PDS5B: variants seen among roughly 807,000 people sequenced by gnomAD.
PDS5B encodes the protein sister chromatid cohesion protein PDS5 homolog B.
In PDS5B, 51 loss-of-function variants were observed where a neutral mutation model predicts 184.1. That is an observed-to-expected ratio of 0.28 (90% CI 0.22 to 0.35). The LOEUF (loss-of-function observed/expected upper bound fraction) is 0.35, where lower values mean the gene tolerates loss of function less well. Among genes scored for constraint, PDS5B ranks in the 10% least tolerant of loss-of-function variants. The pLI, the probability that PDS5B is intolerant of heterozygous loss-of-function variation, is 1.00. For missense variants in PDS5B, 1,180 were observed against 1,723.3 expected (o/e 0.68, Z 5.58); for synonymous variants, 566 against 569.2 (o/e 0.99, Z 0.08).
chr13:32,605,490 A>G (rs9591162), intron 1 of PDS5B, among the ~76,000 whole-genome samples: 49,544 of 152,028 alleles, frequency 0.33, 8,407 homozygotes, highest in Non-Finnish European at 0.38. Flanking sequence ...CTTTACTTCC[A>G]ACTATGTGGT....
chr13:32,664,709 GCTGGGCAAGTGACGCA>G (rs1290981183), intron 6 of PDS5B, among the ~76,000 whole-genome samples: 5 of 151,992 alleles, frequency 3.3e-5, no homozygotes, highest in Admixed American at 6.6e-5. Context: ...AGAAAAATTA[GCTGGGCAAGTGACGCA>G]TGTCTGTAGT....
intron 19 of PDS5B, among the ~76,000 whole-genome samples, chr13:32,727,921 T>C (rs571266140): frequency 1.1e-4 from 16 of 152,096 alleles, no homozygotes; most frequent in African/African-American, 3.9e-4. Flanking sequence ...ATTACAAGTA[T>C]TTTTGACTAC....
At chr13:32,655,379 T>G (rs865857060) in intron 3 of PDS5B, among the ~76,000 whole-genome samples, 1 of 75,872 alleles carries the variant, frequency 1.3e-5, no homozygotes, top group African/African-American at 4.8e-5. Flanking sequence ...TATATATTTT[T>G]TTTTTTTTTT....
chr13:32,728,379 G>A (rs538613880), intron 19 of PDS5B, among the ~76,000 whole-genome samples: 106 of 152,048 alleles, frequency 7.0e-4, no homozygotes, highest in Non-Finnish European at 1.3e-3. Flanking sequence ...GTAATTAACC[G>A]CCCTGTTTGT....
At chr13:32,742,289 T>C (rs1953586190) in intron 22 of PDS5B, among the ~76,000 whole-genome samples, 1 of 152,208 alleles carries the variant, frequency 6.6e-6, no homozygotes, top group South Asian at 2.1e-4. Context: ...GGAACTTAAC[T>C]TTTCTGATTA....
intron 18 of PDS5B, among the ~76,000 whole-genome samples, chr13:32,707,564 T>A (rs1952066799): frequency 6.7e-6 from 1 of 149,826 alleles, no homozygotes; most frequent in East Asian, 1.9e-4. Context: ...CTATTTTCCC[T>A]TATTAAAGTA....
Position 32,655,415 on chromosome 13 carries a change from G to A in PDS5B, c.313-2824G>A, listed in dbSNP as rs555038275. ...TTTTTTTTAGATGGAGTTTCACACC[G>A]TTGCTCAGGCTGGAGTGCAGTGGTG... On this transcript the variant is annotated intron_variant, in intron 3 of 34. Transcript: ENST00000315596. Among the ~76,000 whole-genome samples, 13 of 93,162 alleles carry A rather than the reference G, an allele frequency of 1.4e-4. No homozygotes were observed. In the South Asian group the frequency reaches 2.9e-3, roughly 21 times the overall value. 61.1% of individuals were successfully genotyped at this position (93,162 alleles called of 152,430 possible).
chr13:32,694,174 G>T (rs777821992), intron 13 of PDS5B, 49 bp from the exon 14 acceptor site: 4 of 1,271,566 alleles, frequency 3.1e-6, no homozygotes, highest in East Asian at 2.4e-5. Flanking sequence ...ATTCTAGAAA[G>T]ATTTTTATTC....
chr13:32,701,219 C>T, intron 16 of PDS5B, 104 bp from the exon 17 acceptor site: 2 of 581,318 alleles, frequency 3.4e-6, no homozygotes, highest in South Asian at 2.3e-5. Flanking sequence ...TTGTTTATTC[C>T]AGCGTCAGTA....
At chr13:32,587,212 G>T (rs2057700586) in intron 1 of PDS5B, among the ~76,000 whole-genome samples, 1 of 151,044 alleles carries the variant, frequency 6.6e-6, no homozygotes, top group African/African-American at 2.4e-5. Context: ...CCTCCGCTTC[G>T]GGCCAGGGGA....
At chr13:32,679,628 C>T (rs2140790851) in intron 10 of PDS5B, among the ~76,000 whole-genome samples, 1 of 151,350 alleles carries the variant, frequency 6.6e-6, no homozygotes, top group South Asian at 2.1e-4. Context: ...AAGAGCGAAA[C>T]TCTTTATCTC....
chr13:32,586,828 G>A lies in PDS5B; in HGVS notation c.-20+235G>A, dbSNP rs1265582654. On this transcript the variant is annotated intron_variant, in intron 1 of 34. Transcript: ENST00000315596. Reference sequence around the variant, plus strand: ...GCGGGCCGGCTGCGCGGTGGGGGTGGGGAGGGCCCCGCGGCCGGCGCGCGC... The same window carrying A: ...GCGGGCCGGCTGCGCGGTGGGGGTGAGGAGGGCCCCGCGGCCGGCGCGCGC... Among the ~76,000 whole-genome samples, 9 of 145,806 alleles carry A rather than the reference G, an allele frequency of 6.2e-5. No individual in the cohort carries two copies. The East Asian group carries it at 1.9e-3, about 30-fold the overall frequency.
chr13:32,620,432 C>T (rs970855443), intron 1 of PDS5B, among the ~76,000 whole-genome samples: 4 of 152,050 alleles, frequency 2.6e-5, no homozygotes, highest in East Asian at 1.9e-4. Flanking sequence ...CCGAGGCGGG[C>T]GGATCACGAG....
chr13:32,757,469 T>C (rs968566423), intron 26 of PDS5B, among the ~76,000 whole-genome samples: 7 of 151,788 alleles, frequency 4.6e-5, no homozygotes. Flanking sequence ...ATAACTTTGT[T>C]CCTTTCTGTC....
chr13:32,676,065 T>G, intron 9 of PDS5B, 106 bp downstream of exon 9: 1 of 609,964 alleles, frequency 1.6e-6, no homozygotes, highest in Non-Finnish European at 2.9e-6. Flanking sequence ...ATCATAAAAA[T>G]GAAGGATTTT....
intron 1 of PDS5B, among the ~76,000 whole-genome samples, chr13:32,622,680 A>G (rs901098877): frequency 1.3e-5 from 2 of 152,148 alleles, no homozygotes; most frequent in Non-Finnish European, 2.9e-5. Context: ...CGGGTCTATC[A>G]GTTTTTATTA....
intron 10 of PDS5B, among the ~76,000 whole-genome samples, chr13:32,679,884 A>AGTGTGTGTGT (rs34635708): frequency 7.4e-4 from 107 of 143,732 alleles, no homozygotes; most frequent in African/African-American, 2.7e-3. Flanking sequence ...TTCGTCTGTG[A>AGTGTGTGTGT]GTGTGTGTGT....
chr13:32,680,181 T>G (rs933452875), intron 10 of PDS5B, among the ~76,000 whole-genome samples: 14 of 151,840 alleles, frequency 9.2e-5, no homozygotes, highest in African/African-American at 2.9e-4. Flanking sequence ...TGATTAAGAG[T>G]GGGGGGGCTA....
At chr13:32,658,661 T>C in intron 5 of PDS5B, 130 bp downstream of exon 5, 1 of 551,040 alleles carries the variant, frequency 1.8e-6, no homozygotes, top group Non-Finnish European at 3.3e-6. Context: ...ACACTTTATT[T>C]TTATACATGT....
Sources: gnomAD v4.1 joint callset for allele counts (sites outside exome capture counted in the v4.1 genomes callset) on GRCh38, gnomAD v4.1.1 for gene constraint, MANE v1.5 for transcripts, NCBI Gene and HGNC (gene_info 2026-07-23, HGNC 2026-07-21) for gene names.